Variants in AK9 observed in about 807,000 individuals in gnomAD.
The protein encoded by AK9 is adenylate kinase 9.
AK9 carries 191 observed loss-of-function variants against 239.6 expected under a neutral mutation model. The observed-to-expected ratio is 0.80, with a 90% CI of 0.71 to 0.90. The LOEUF is 0.90. Among genes scored for constraint, AK9 ranks in the 40% least tolerant of loss-of-function variants. The pLI, the probability that AK9 is intolerant of heterozygous loss-of-function variation, is 0.00. For synonymous variants in AK9, 689 were observed against 721.0 expected (o/e 0.96, Z 0.71); for missense variants, 1,995 against 2,214.7 (o/e 0.90, Z 1.99).
rs185022814 is a variant in AK9 at position 109,499,329 on chromosome 6, G to T, written c.4850-89C>A. ...AAATTAAAATAATTTTAATTACACAGCACTATACATACACATTATAAAATT... is the reference window on the plus strand; with the variant it reads ...AAATTAAAATAATTTTAATTACACATCACTATACATACACATTATAAAATT... On this transcript the variant is annotated intron_variant, in intron 35 of 40. Coordinates refer to ENST00000424296, the MANE Select transcript of AK9 (RefSeq NM_001145128.3). 1.6e-5 allele frequency: 16 copies of T among 1,010,544 alleles called. No homozygotes were observed. The African/African-American group carries it at 2.5e-4, about 16-fold the overall frequency. The allele number at this position is 1,010,544 out of a possible 1,614,324, so 62.6% of individuals were successfully genotyped here. A position where few individuals can be genotyped will look rare whatever the true frequency, so the allele number is the denominator to read the frequency against.
intron 28 of AK9, among the ~76,000 whole-genome samples, chr6:109,531,746 T>G (rs1214958597): frequency 6.6e-6 from 1 of 152,196 alleles, no homozygotes; most frequent in African/African-American, 2.4e-5. Flanking sequence ...TCTTTGGCTC[T>G]TTCTTTTCCA....
intron 38 of AK9, among the ~76,000 whole-genome samples, chr6:109,496,950 C>T (rs948437840): frequency 6.6e-6 from 1 of 152,182 alleles, no homozygotes; most frequent in East Asian, 1.9e-4. Flanking sequence ...TCCATGAAAC[C>T]GCAAACGCTT....
At chr6:109,511,258 T>A (rs1006911363) in intron 32 of AK9, among the ~76,000 whole-genome samples, 1 of 152,178 alleles carries the variant, frequency 6.6e-6, no homozygotes, top group African/African-American at 2.4e-5. Context: ...ATGGACTCCA[T>A]GATGCAACCA....
chr6:109,535,820 A>G (rs533465713), intron 27 of AK9, among the ~76,000 whole-genome samples: 1 of 152,346 alleles, frequency 6.6e-6, no homozygotes, highest in Non-Finnish European at 1.5e-5. Context: ...AGCTTTCTAC[A>G]TATGGCTAGC....
intron 17 of AK9, among the ~76,000 whole-genome samples, chr6:109,604,626 T>C (rs145707772): frequency 6.6e-6 from 1 of 152,344 alleles, no homozygotes; most frequent in Non-Finnish European, 1.5e-5. Flanking sequence ...ACAACATATT[T>C]TACTAGTTAG....
At chr6:109,561,617 A>T (rs758196421) in intron 24 of AK9, among the ~76,000 whole-genome samples, 3 of 150,522 alleles carry the variant, frequency 2.0e-5, no homozygotes, top group Non-Finnish European at 4.4e-5. Flanking sequence ...CCAGGCTGAC[A>T]TTTTTTTTTC....
At chr6:109,613,557 T>A (rs1321327) in intron 15 of AK9, among the ~76,000 whole-genome samples, 88,330 of 151,604 alleles carry the variant, frequency 0.58, 27,412 homozygotes, top group East Asian at 0.84. Flanking sequence ...ATTTAGTAGT[T>A]CCTAGAAATC....
chr6:109,515,035 C>T (rs151075547), intron 31 of AK9, among the ~76,000 whole-genome samples: 1 of 152,284 alleles, frequency 6.6e-6, no homozygotes, highest in Non-Finnish European at 1.5e-5. Context: ...TGGCCAACTG[C>T]AAGTTAAGGA....
chr6:109,550,681 T>C (rs1182568262), intron 24 of AK9: 5 of 159,700 alleles, frequency 3.1e-5, no homozygotes, highest in Admixed American at 1.3e-4. Context: ...TTCTTACCCA[T>C]GGCAAATTAA....
At chr6:109,538,371 G>A (rs1460007801) in intron 27 of AK9, among the ~76,000 whole-genome samples, 1 of 152,090 alleles carries the variant, frequency 6.6e-6, no homozygotes, top group Admixed American at 6.5e-5. Flanking sequence ...GGCCTTCTTT[G>A]ACTCTTTTGA....
At chr6:109,620,377 A>C (rs1276595204) in intron 12 of AK9, among the ~76,000 whole-genome samples, 2 of 152,146 alleles carry the variant, frequency 1.3e-5, no homozygotes, top group Admixed American at 6.6e-5. Context: ...TGTAGATTAA[A>C]TTTACAGTTC....
In AK9 at chr6:109,663,076, T is replaced by A. The variant is rs77160818; in HGVS notation, c.332-413A>T. Among the ~76,000 whole-genome samples, 171 of 152,282 alleles carry A rather than the reference T, an allele frequency of 1.1e-3. 1 individual carries two copies. Among genetic ancestry groups the A allele is most frequent in the African/African-American group, 3.9e-3 (161 of 41,572 alleles). ...TAATATTTCATAATATAGTAGAACA[T>A]GTGTGTATAATGTTTTTATAAGTTA... On this transcript the variant is annotated intron_variant, in intron 5 of 40. Coordinates refer to ENST00000424296, the MANE Select transcript of AK9 (RefSeq NM_001145128.3).
intron 24 of AK9, 188 bp from the exon 25 acceptor site, chr6:109,550,490 T>C (rs915414679): frequency 2.2e-6 from 1 of 457,994 alleles, no homozygotes; most frequent in Admixed American, 4.0e-5. Context: ...TAAGTGCACA[T>C]TCTAAGTTTC....
chr6:109,539,939 T>A (rs1782626896), intron 27 of AK9, among the ~76,000 whole-genome samples: 1 of 152,256 alleles, frequency 6.6e-6, no homozygotes, highest in East Asian at 1.9e-4. Flanking sequence ...ACAGTAAATG[T>A]TGCTCCCTGA....
At chr6:109,636,365 T>C (rs1446986325) in intron 10 of AK9, among the ~76,000 whole-genome samples, 2 of 152,064 alleles carry the variant, frequency 1.3e-5, no homozygotes, top group Non-Finnish European at 2.9e-5. Context: ...CTAGGGAAGA[T>C]TTTTGGGTTT....
intron 17 of AK9, among the ~76,000 whole-genome samples, chr6:109,599,591 G>GT (rs150916532): frequency 0.58 from 87,706 of 151,072 alleles, 27,102 homozygotes; most frequent in East Asian, 0.84. Context: ...CTTTAAAGTA[G>GT]TTTTTTCCAA....
chr6:109,682,108 A>G, intron 1 of AK9, among the ~76,000 whole-genome samples: 1 of 152,188 alleles, frequency 6.6e-6, no homozygotes, highest in Non-Finnish European at 1.5e-5. Context: ...TGAAAGAGAT[A>G]GAGACACGAC....
intron 21 of AK9, among the ~76,000 whole-genome samples, chr6:109,567,622 A>C (rs979392246): frequency 2.6e-5 from 4 of 151,246 alleles, no homozygotes; most frequent in African/African-American, 4.9e-5. Flanking sequence ...TCTCAGCAAA[A>C]TATCGCAAGG....
intron 24 of AK9, among the ~76,000 whole-genome samples, chr6:109,553,327 A>G (rs954472975): frequency 6.6e-6 from 1 of 152,136 alleles, no homozygotes; most frequent in African/African-American, 2.4e-5. Flanking sequence ...GATTCTTCCT[A>G]TCCATGAGGA....
Sources: allele counts gnomAD v4.1 joint callset (sites outside exome capture counted in the v4.1 genomes callset), GRCh38; gene constraint gnomAD v4.1.1; transcripts MANE v1.5; gene names NCBI Gene and HGNC (gene_info 2026-07-23, HGNC 2026-07-21).